Variants in CAMK1D observed in about 807,000 individuals in gnomAD.
The protein encoded by CAMK1D is calcium/calmodulin dependent protein kinase ID.
Under a neutral mutation model 47.7 loss-of-function variants are expected in CAMK1D, and 9 were observed. That is an observed-to-expected ratio of 0.19 (90% CI 0.11 to 0.33). CAMK1D has a LOEUF of 0.33. Ranked by LOEUF, CAMK1D falls within the 10% of genes least tolerant of loss-of-function variation. CAMK1D has a pLI of 1.00. For missense variants in CAMK1D, 291 were observed against 488.7 expected (o/e 0.60, Z 3.81); for synonymous variants, 184 against 184.9 (o/e 0.99, Z 0.04).
chr10:12,603,258 T>C (rs1342331724), intron 2 of CAMK1D, among the ~76,000 whole-genome samples: 1 of 152,122 alleles, frequency 6.6e-6, no homozygotes, highest in Non-Finnish European at 1.5e-5. Flanking sequence ...AAGCTCAGCA[T>C]GTCCGCATTC....
chr10:12,611,609 T>TTTG (rs1554796845), intron 2 of CAMK1D, among the ~76,000 whole-genome samples: 1 of 124,710 alleles, frequency 8.0e-6, no homozygotes, highest in African/African-American at 3.1e-5. Context: ...TTTTTTTTTT[T>TTTG]GAGACAGAGT....
At chr10:12,496,358 T>C (rs4532925) in intron 1 of CAMK1D, among the ~76,000 whole-genome samples, 27 of 151,982 alleles carry the variant, frequency 1.8e-4, no homozygotes, top group African/African-American at 4.8e-4. Context: ...TCTAGGGTCG[T>C]TGTGGCTCTT....
chr10:12,614,741 A>C (rs1006853889), intron 2 of CAMK1D, among the ~76,000 whole-genome samples: 2 of 152,048 alleles, frequency 1.3e-5, no homozygotes, highest in African/African-American at 4.8e-5. Flanking sequence ...ACTAGGGTGC[A>C]CCCTCACCCT....
chr10:12,443,113 C>G (rs567496458), intron 1 of CAMK1D, among the ~76,000 whole-genome samples: 1 of 152,044 alleles, frequency 6.6e-6, no homozygotes, highest in Admixed American at 6.6e-5. Flanking sequence ...ATATATTTAT[C>G]CATGTATCTA....
At chr10:12,701,762 C>T (rs1364208905) in intron 3 of CAMK1D, among the ~76,000 whole-genome samples, 1 of 152,192 alleles carries the variant, frequency 6.6e-6, no homozygotes, top group Non-Finnish European at 1.5e-5. Flanking sequence ...TGGTTCTTTT[C>T]TCCGAGAGTG....
At chr10:12,604,546 A>G (rs1348936163) in intron 2 of CAMK1D, among the ~76,000 whole-genome samples, 1 of 152,212 alleles carries the variant, frequency 6.6e-6, no homozygotes, top group Admixed American at 6.5e-5. Flanking sequence ...GATGCTATTC[A>G]GAGTCTCAGA....
chr10:12,540,017 G>A (rs915581726), intron 1 of CAMK1D, among the ~76,000 whole-genome samples: 2 of 152,120 alleles, frequency 1.3e-5, no homozygotes, highest in African/African-American at 2.4e-5. Context: ...GGGCTCAGGC[G>A]ATCCACTCAC....
intron 5 of CAMK1D, among the ~76,000 whole-genome samples, chr10:12,781,296 C>T (rs995959513): frequency 3.3e-5 from 5 of 152,232 alleles, no homozygotes; most frequent in African/African-American, 7.2e-5. Context: ...GGCGTCACGC[C>T]GTGATCACAC....
intron 3 of CAMK1D, among the ~76,000 whole-genome samples, chr10:12,711,539 T>A (rs755416347): frequency 2.6e-5 from 4 of 152,196 alleles, no homozygotes; most frequent in Non-Finnish European, 5.9e-5. Context: ...AGTATGGAGA[T>A]CCTAAAATCA....
chr10:12,357,543 T>C (rs1310252682), intron 1 of CAMK1D, among the ~76,000 whole-genome samples: 1 of 152,204 alleles, frequency 6.6e-6, no homozygotes, highest in Non-Finnish European at 1.5e-5. Flanking sequence ...CTAAAACTTC[T>C]GACGCCAAGT....
chr10:12,658,092 G>A (rs1840169074), intron 2 of CAMK1D, among the ~76,000 whole-genome samples: 1 of 152,030 alleles, frequency 6.6e-6, no homozygotes, highest in Admixed American at 6.5e-5. Context: ...AGGTTGCAGT[G>A]AGCCGAGATC....
At chr10:12,610,573 C>T (rs1838590467) in intron 2 of CAMK1D, among the ~76,000 whole-genome samples, 1 of 152,292 alleles carries the variant, frequency 6.6e-6, no homozygotes, top group East Asian at 1.9e-4. Context: ...AGCATAGAGC[C>T]TTGTGGGGTT....
At chr10:12,472,450 G>T (rs1444508954) in intron 1 of CAMK1D, among the ~76,000 whole-genome samples, 1 of 151,972 alleles carries the variant, frequency 6.6e-6, no homozygotes, top group Admixed American at 6.6e-5. Flanking sequence ...TTGTTGGGTT[G>T]TTTCTTGTTT....
At chr10:12,435,534 C>G (rs1832609398) in intron 1 of CAMK1D, among the ~76,000 whole-genome samples, 1 of 151,808 alleles carries the variant, frequency 6.6e-6, no homozygotes, top group African/African-American at 2.4e-5. Context: ...GTCCCCTCCA[C>G]TCCCAAGCAG....
intron 5 of CAMK1D, among the ~76,000 whole-genome samples, chr10:12,785,473 A>G (rs1239822514): frequency 1.3e-5 from 2 of 152,204 alleles, no homozygotes; most frequent in Non-Finnish European, 2.9e-5. Flanking sequence ...ATTCTGCTGC[A>G]TACGATTAGA....
intron 6 of CAMK1D, among the ~76,000 whole-genome samples, chr10:12,803,571 C>G (rs1022017849): frequency 2.6e-5 from 4 of 152,180 alleles, no homozygotes; most frequent in Non-Finnish European, 5.9e-5. Flanking sequence ...AGGAAAATCA[C>G]TTGAACCTAG....
At chr10:12,527,079 A>C (rs1280299746) in intron 1 of CAMK1D, among the ~76,000 whole-genome samples, 1 of 152,076 alleles carries the variant, frequency 6.6e-6, no homozygotes, top group African/African-American at 2.4e-5. Flanking sequence ...GAACCCTTTT[A>C]TTCCCACTTT....
At chr10:12,644,284 C>A (rs575279435) in intron 2 of CAMK1D, among the ~76,000 whole-genome samples, 3 of 152,208 alleles carry the variant, frequency 2.0e-5, no homozygotes, top group Non-Finnish European at 4.4e-5. Flanking sequence ...AGTTTCCCAA[C>A]GAAAACAAAT....
chr10:12,397,942 A>G (rs1437640050), intron 1 of CAMK1D, among the ~76,000 whole-genome samples: 1 of 152,126 alleles, frequency 6.6e-6, no homozygotes, highest in Non-Finnish European at 1.5e-5. Flanking sequence ...TCGGCTTTTT[A>G]TTCACCTGAT....
Sources: allele counts gnomAD v4.1 joint callset (sites outside exome capture counted in the v4.1 genomes callset), GRCh38; gene constraint gnomAD v4.1.1; transcripts MANE v1.5; gene names NCBI Gene and HGNC (gene_info 2026-07-23, HGNC 2026-07-21).